The following KCNIP4 variants were observed in gnomAD, a reference collection of about 807,000 sequenced individuals.
KCNIP4 encodes the protein Kv channel-interacting protein 4.
Under a neutral mutation model 34.0 loss-of-function variants are expected in KCNIP4, and 12 were observed. That is an observed-to-expected ratio of 0.35 (90% CI 0.23 to 0.57). The LOEUF is 0.57. KCNIP4 is among the 20% of genes least tolerant of loss of function. The pLI, the probability that KCNIP4 is intolerant of heterozygous loss-of-function variation, is 0.83. For synonymous variants in KCNIP4, 124 were observed against 102.2 expected (o/e 1.21, Z -1.29); for missense variants, 238 against 311.7 (o/e 0.76, Z 1.78).
At chr4:20,861,400 A>T (rs1279833204) in intron 2 of KCNIP4, among the ~76,000 whole-genome samples, 3 of 152,152 alleles carry the variant, frequency 2.0e-5, no homozygotes, top group African/African-American at 7.2e-5. Context: ...GATCACACAC[A>T]GGCTGCAAGT....
chr4:21,890,896 A>G (rs1344344529), intron 1 of KCNIP4, among the ~76,000 whole-genome samples: 2 of 152,268 alleles, frequency 1.3e-5, no homozygotes, highest in African/African-American at 2.4e-5. Flanking sequence ...AAGAAGACTT[A>G]CATACAGGGC....
intron 1 of KCNIP4, among the ~76,000 whole-genome samples, chr4:21,599,970 TA>T (rs1268513766): frequency 6.6e-6 from 1 of 152,088 alleles, no homozygotes; most frequent in Non-Finnish European, 1.5e-5. Flanking sequence ...GATTCAGTAA[TA>T]AATATCATTT....
chr4:21,873,920 T>C (rs1016576415), intron 1 of KCNIP4, among the ~76,000 whole-genome samples: 4 of 152,222 alleles, frequency 2.6e-5, no homozygotes, highest in Non-Finnish European at 2.9e-5. Context: ...TGAGACCTAT[T>C]GTCAGGCTAG....
chr4:21,472,776 T>A (rs1216954065), intron 1 of KCNIP4, among the ~76,000 whole-genome samples: 1 of 152,170 alleles, frequency 6.6e-6, no homozygotes, highest in Non-Finnish European at 1.5e-5. Context: ...TAATTAAATG[T>A]ATGAACATAC....
intron 1 of KCNIP4, among the ~76,000 whole-genome samples, chr4:21,562,106 C>T (rs1336538069): frequency 6.6e-6 from 1 of 151,864 alleles, no homozygotes; most frequent in African/African-American, 2.4e-5. Context: ...CTTTCTGTCT[C>T]TCCATTTGCC....
intron 1 of KCNIP4, among the ~76,000 whole-genome samples, chr4:21,221,903 TTTCCTG>T (rs1758007023): frequency 6.6e-6 from 1 of 152,208 alleles, no homozygotes; most frequent in African/African-American, 2.4e-5. Context: ...AGTGATCCTT[TTTCCTG>T]TTCCTGTTCT....
At chr4:20,776,215 CTCT>C (rs1756355455) in intron 3 of KCNIP4, among the ~76,000 whole-genome samples, 1 of 152,162 alleles carries the variant, frequency 6.6e-6, no homozygotes, top group Non-Finnish European at 1.5e-5. Flanking sequence ...TTCTTATTCT[CTCT>C]AGTGAGGCAT....
intron 1 of KCNIP4, among the ~76,000 whole-genome samples, chr4:21,442,645 C>A (rs1283396759): frequency 6.6e-6 from 1 of 152,202 alleles, no homozygotes; most frequent in Non-Finnish European, 1.5e-5. Context: ...CTACCATTTT[C>A]ACTGATGGCT....
chr4:20,878,041 T>C (rs1036907264), intron 2 of KCNIP4, among the ~76,000 whole-genome samples: 26 of 151,950 alleles, frequency 1.7e-4, no homozygotes, highest in Non-Finnish European at 3.7e-4. Flanking sequence ...AAGAGCTCCC[T>C]CAATCAATAT....
intron 1 of KCNIP4, among the ~76,000 whole-genome samples, chr4:21,903,489 G>T (rs1017055072): frequency 6.6e-6 from 1 of 152,124 alleles, no homozygotes; most frequent in Non-Finnish European, 1.5e-5. Flanking sequence ...ATATTAATTG[G>T]TCTTTCAAAG....
At chr4:21,033,501 G>A (rs1741184265) in intron 1 of KCNIP4, among the ~76,000 whole-genome samples, 1 of 152,184 alleles carries the variant, frequency 6.6e-6, no homozygotes. Context: ...GGCCCTAGGG[G>A]CATGCATACT....
intron 1 of KCNIP4, among the ~76,000 whole-genome samples, chr4:20,924,391 T>C (rs6826230): frequency 0.3 from 46,167 of 152,076 alleles, 7,249 homozygotes; most frequent in South Asian, 0.4. Context: ...GAGATGCTCA[T>C]GATTTCTTCC....
At chr4:21,201,126 AG>A (rs1756458146) in intron 1 of KCNIP4, among the ~76,000 whole-genome samples, 1 of 152,260 alleles carries the variant, frequency 6.6e-6, no homozygotes, top group African/African-American at 2.4e-5. Flanking sequence ...ATTCCAATAA[AG>A]AAGGAATGTG....
intron 1 of KCNIP4, among the ~76,000 whole-genome samples, chr4:21,227,916 A>G (rs1758519074): frequency 6.6e-6 from 1 of 152,168 alleles, no homozygotes; most frequent in Admixed American, 6.6e-5. Flanking sequence ...TTCTCAAACT[A>G]TATGTAGTGA....
chr4:21,386,596 C>T (rs6852605), intron 1 of KCNIP4, among the ~76,000 whole-genome samples: 10,616 of 152,158 alleles, frequency 0.07, 1,079 homozygotes, highest in African/African-American at 0.22. Flanking sequence ...TTTGGCAACA[C>T]CAAGGCTGCA....
At chr4:21,578,717 T>C (rs1740952967) in intron 1 of KCNIP4, among the ~76,000 whole-genome samples, 1 of 152,068 alleles carries the variant, frequency 6.6e-6, no homozygotes, top group African/African-American at 2.4e-5. Flanking sequence ...ATCACATGTG[T>C]TTCTTCTACC....
At chr4:21,663,396 C>T (rs1163540580) in intron 1 of KCNIP4, among the ~76,000 whole-genome samples, 2 of 152,046 alleles carry the variant, frequency 1.3e-5, no homozygotes, top group Non-Finnish European at 2.9e-5. Context: ...CTTGGAGGTG[C>T]CCATCGGAGG....
chr4:21,545,105 C>A (rs921468744), intron 1 of KCNIP4, among the ~76,000 whole-genome samples: 1 of 152,118 alleles, frequency 6.6e-6, no homozygotes, highest in South Asian at 2.1e-4. Context: ...GACCTCTGGT[C>A]GTCCTCACTG....
At chr4:21,804,709 A>T (rs1305876936) in intron 1 of KCNIP4, among the ~76,000 whole-genome samples, 1 of 152,208 alleles carries the variant, frequency 6.6e-6, no homozygotes, top group Non-Finnish European at 1.5e-5. Flanking sequence ...AACAGCCTAT[A>T]GATATGTTAT....
Sources: gnomAD v4.1 joint callset for allele counts (sites outside exome capture counted in the v4.1 genomes callset) on GRCh38, gnomAD v4.1.1 for gene constraint, MANE v1.5 for transcripts, NCBI Gene and HGNC (gene_info 2026-07-23, HGNC 2026-07-21) for gene names.